Variants in TENM3 observed in about 807,000 individuals in gnomAD.
TENM3 encodes the protein teneurin transmembrane protein 3.
TENM3 carries 63 observed loss-of-function variants against 255.1 expected under a neutral mutation model. The ratio of observed to expected loss-of-function variants is 0.25; its 90% confidence interval spans 0.20 to 0.30. The LOEUF is 0.30. Ranked by LOEUF, TENM3 falls within the 10% of genes least tolerant of loss-of-function variation. TENM3 has a pLI of 1.00. For synonymous variants in TENM3, 1,306 were observed against 1,322.3 expected (o/e 0.99, Z 0.27); for missense variants, 2,929 against 3,461.1 (o/e 0.85, Z 3.86).
At chr4:182,704,175 A>G (rs2152648485) in intron 12 of TENM3, among the ~76,000 whole-genome samples, 1 of 152,330 alleles carries the variant, frequency 6.6e-6, no homozygotes. Context: ...AGGAATAAAA[A>G]ATAAGGGAGA....
intron 3 of TENM3, among the ~76,000 whole-genome samples, chr4:182,388,529 A>T (rs1768171454): frequency 2.0e-5 from 3 of 152,184 alleles, no homozygotes; most frequent in African/African-American, 7.2e-5. Flanking sequence ...TAAACGGGTT[A>T]AAAGTACTTT....
In TENM3 at chr4:182,676,585, C is replaced by T. The variant is rs999337736; in HGVS notation, c.1327-3081C>T. Reference sequence around the variant, plus strand: ...GTATTCATAGATTCTAAGAACTCATCGTTTTAGTAACGGAATTGAATTAAA... The same window carrying T: ...GTATTCATAGATTCTAAGAACTCATTGTTTTAGTAACGGAATTGAATTAAA... On this transcript the variant is annotated intron_variant, in intron 7 of 27. Coordinates refer to ENST00000511685, the MANE Select transcript of TENM3 (RefSeq NM_001080477.4). 3.3e-5 allele frequency among the ~76,000 whole-genome samples: 5 copies of T among 152,144 alleles called. No homozygotes were observed. The East Asian group carries it at 7.7e-4, about 23-fold the overall frequency.
intron 3 of TENM3, among the ~76,000 whole-genome samples, chr4:182,375,917 C>A (rs1767151929): frequency 6.6e-6 from 1 of 152,104 alleles, no homozygotes; most frequent in Admixed American, 6.5e-5. Context: ...ACTTCCATGA[C>A]ATAGTGTTTT....
At chr4:181,457,090 A>G in the TENM3 span, among the ~76,000 whole-genome samples, 1 of 151,916 alleles carries the variant, frequency 6.6e-6, no homozygotes, top group African/African-American at 2.4e-5. Context: ...ATGAAACAAA[A>G]CACTGCAAGA....
rs5864797 is a variant in TENM3, at chr4:182,752,073, T to TAAA, written c.3862+54_3862+56dup. On this transcript the variant is annotated intron_variant, in intron 20 of 27. Transcript: ENST00000511685. ...GATTTGAGGATTTCTTTTTATTTAT[T>TAAA]AAAAAAAAAAAAAAAGGGGTTGAAA... 12,860 of 915,966 alleles carry TAAA rather than the reference T, an allele frequency of 0.014. 70 individuals carry two copies. Among genetic ancestry groups the TAAA allele is most frequent in the South Asian group, 0.06 (2,772 of 45,866 alleles). 56.7% of individuals were successfully genotyped at this position (915,966 alleles called of 1,614,324 possible).
At chr4:182,643,128 G>T (rs1345602308) in intron 5 of TENM3, among the ~76,000 whole-genome samples, 4 of 152,152 alleles carry the variant, frequency 2.6e-5, no homozygotes, top group Non-Finnish European at 4.4e-5. Flanking sequence ...AAGCTTGGTT[G>T]CACTCTGGAT....
intron 19 of TENM3, among the ~76,000 whole-genome samples, chr4:182,747,370 G>A (rs1490578400): frequency 6.6e-6 from 1 of 151,994 alleles, no homozygotes; most frequent in African/African-American, 2.4e-5. Flanking sequence ...GCACCACCAG[G>A]ATATTACCTG....
chr4:182,253,196 G>T (rs560357634), intron 1 of TENM3, among the ~76,000 whole-genome samples: 161 of 152,342 alleles, frequency 1.1e-3, no homozygotes, highest in African/African-American at 3.7e-3. Context: ...AAGAGGCCGG[G>T]TGTGGTGGCT....
chr4:182,285,078 C>T (rs1760647390), intron 1 of TENM3, among the ~76,000 whole-genome samples: 1 of 152,108 alleles, frequency 6.6e-6, no homozygotes, highest in African/African-American at 2.4e-5. Context: ...GGTGACACAG[C>T]CACGCGGTTA....
the TENM3 span, among the ~76,000 whole-genome samples, chr4:181,894,733 GAAA>G: frequency 1.0e-4 from 14 of 137,258 alleles, no homozygotes; most frequent in African/African-American, 3.4e-4. Flanking sequence ...GTCAGTGGCA[GAAA>G]AAAAAAAAAA....
chr4:182,420,808 C>T (rs1219037707), intron 3 of TENM3, among the ~76,000 whole-genome samples: 1 of 152,084 alleles, frequency 6.6e-6, no homozygotes, highest in Admixed American at 6.5e-5. Flanking sequence ...ACCAATAAAT[C>T]AACAGTTGGA....
the TENM3 span, among the ~76,000 whole-genome samples, chr4:182,100,809 A>T: frequency 1.9e-3 from 3 of 1,570 alleles, 1 homozygote; most frequent in Non-Finnish European, 0.02. Context: ...ATATATATAC[A>T]CATATATATA....
intron 2 of TENM3, among the ~76,000 whole-genome samples, chr4:182,338,665 T>C (rs1325990432): frequency 5.3e-5 from 8 of 152,194 alleles, no homozygotes; most frequent in African/African-American, 9.6e-5. Context: ...GATATAAAAA[T>C]AGTGTCAGTA....
the TENM3 span, among the ~76,000 whole-genome samples, chr4:181,831,090 T>C: frequency 2.0e-5 from 3 of 152,216 alleles, 1 homozygote; most frequent in Non-Finnish European, 1.5e-5. Flanking sequence ...GTTTGTCTAA[T>C]TTAATATAAT....
At chr4:182,644,466 G>A (rs561996996) in intron 5 of TENM3, among the ~76,000 whole-genome samples, 8 of 152,112 alleles carry the variant, frequency 5.3e-5, no homozygotes, top group African/African-American at 1.4e-4. Context: ...CAACATATAC[G>A]GGTTAAAAAC....
chr4:182,100,431 G>A, the TENM3 span, among the ~76,000 whole-genome samples: 653 of 89,756 alleles, frequency 7.3e-3, 7 homozygotes, highest in African/African-American at 0.024. Context: ...GCAAAACTCC[G>A]TCTCCGTAAA....
At chr4:181,708,030 T>C in the TENM3 span, among the ~76,000 whole-genome samples, 1 of 152,326 alleles carries the variant, frequency 6.6e-6, no homozygotes, top group African/African-American at 2.4e-5. Context: ...TTCAAAGCTA[T>C]GAAAAATTCT....
chr4:182,581,454 T>C (rs1745486354), intron 3 of TENM3, among the ~76,000 whole-genome samples: 1 of 152,060 alleles, frequency 6.6e-6, no homozygotes, highest in South Asian at 2.1e-4. Flanking sequence ...TTAGGAAAAA[T>C]AGGCCGGGTG....
chr4:182,509,854 T>G (rs925580994), intron 3 of TENM3, among the ~76,000 whole-genome samples: 2 of 151,046 alleles, frequency 1.3e-5, no homozygotes, highest in East Asian at 3.9e-4. Context: ...AAAGAATCAC[T>G]TGAACCCAGG....
Sources: gnomAD v4.1 joint callset for allele counts (sites outside exome capture counted in the v4.1 genomes callset) on GRCh38, gnomAD v4.1.1 for gene constraint, MANE v1.5 for transcripts, NCBI Gene and HGNC (gene_info 2026-07-23, HGNC 2026-07-21) for gene names.